FGA: variants seen among roughly 807,000 people sequenced by gnomAD.
FGA encodes fibrinogen alpha chain.
Under a neutral mutation model 20.3 loss-of-function variants are expected in FGA, and 20 were observed. The ratio of observed to expected loss-of-function variants is 0.99; its 90% CI spans 0.69 to 1.43. FGA has a LOEUF of 1.43. Among genes scored for constraint, FGA ranks in the 40% most tolerant of loss-of-function variants. The pLI is 0.00. For missense variants in FGA, 777 were observed against 784.7 expected (o/e 0.99, Z 0.12); for synonymous variants, 306 against 281.6 (o/e 1.09, Z -0.87).
downstream of FGA, chr4:154,583,627 T>C (rs1166846334): frequency 6.4e-6 from 1 of 155,400 alleles, no homozygotes; most frequent in Non-Finnish European, 1.4e-5. Context: ...TAAATACATA[T>C]TGTAATTATA....
rs746736351 is a variant in FGA at position 154,586,326 on chromosome 4, C to T, written c.1103G>A (p.Gly368Glu). 9.3e-6 allele frequency: 15 copies of T among 1,614,112 alleles called. No individual in the cohort carries two copies. Among genetic ancestry groups the T allele is most frequent in the East Asian group, 6.7e-5 (3 of 44,900 alleles). The change falls in exon 5 of 5, where the codon GGA becomes GAA. Residue 368 changes from glycine to glutamate, a missense_variant. Physicochemically the swap from Gly to Glu is moderately conservative, Grantham distance 98 (BLOSUM62 -2). Coordinates refer to ENST00000403106, the MANE Select transcript of FGA (RefSeq NM_021871.4). Reference sequence around the variant, plus strand: ...CTCAGAGGTCCAGTGCCCAGCACTTCCGCGTTCAGAGCTGCCAGGATTCCA... The same window carrying T: ...CTCAGAGGTCCAGTGCCCAGCACTTTCGCGTTCAGAGCTGCCAGGATTCCA... ...GTWNPGSSER[G>E]SAGHWTSESS...
chr4:154,589,515 C>T lies in FGA; in HGVS notation c.102G>A (p.Val34=). ...EGDFLAEGGG[V]RGPRVVERHQ... The stretch of plus-strand genomic sequence containing the variant: ...GTCTTTCCACAACCCTTGGGCCACG[C>T]ACGCCTCCTCCTTCAGCTAGAAAGT... The change falls in exon 2 of 5, where the codon GTG becomes GTA. Residue 34 remains valine (V), a synonymous_variant. Coordinates refer to ENST00000403106, the MANE Select transcript of FGA (RefSeq NM_021871.4). 1.2e-6 allele frequency: 2 copies of T among 1,613,992 alleles called. No homozygotes were observed. The highest frequency in any genetic ancestry group is 1.7e-6 in the Non-Finnish European group (2 of 1,179,982).
chr4:154,588,310 CT>C (rs1336589368), intron 3 of FGA, among the ~76,000 whole-genome samples: 1 of 152,168 alleles, frequency 6.6e-6, no homozygotes, highest in Non-Finnish European at 1.5e-5. Context: ...GCAATGTTTC[CT>C]AACCCTAATG....
Position 154,585,396 on chromosome 4 carries a change from A to G in FGA, c.*98T>C. ...AAGGAACTTACAGTCTAGCACAAAA[A>G]CAGACCAAAAAAGTGTAGTTTCAAT... On this transcript the variant is annotated 3_prime_UTR_variant, in exon 5 of 5. Coordinates refer to ENST00000403106, the MANE Select transcript of FGA (RefSeq NM_021871.4). The G allele has an allele frequency of 2.7e-6, 3 of 1,120,380 alleles. No homozygotes were observed. Among genetic ancestry groups the G allele is most frequent in the Non-Finnish European group, 3.9e-6 (3 of 775,560 alleles). 69.4% of individuals were successfully genotyped at this position (1,120,380 alleles called of 1,614,324 possible). A position where few individuals can be genotyped will look rare whatever the true frequency, so the allele number is the denominator to read the frequency against.
At chr4:154,587,801 A>G (rs1327253577) in intron 3 of FGA, 144 bp from the exon 4 acceptor site, 16 of 693,270 alleles carry the variant, frequency 2.3e-5, no homozygotes, top group South Asian at 1.7e-4. Flanking sequence ...GAAAGAAAGA[A>G]AGAGAAAAAA....
At chr4:154,584,531 C>T (rs772041960), downstream of FGA, 3 of 1,614,150 alleles carry the variant, frequency 1.9e-6, no homozygotes, top group Non-Finnish European at 2.5e-6. Context: ...TCATTCCCAG[C>T]CCAGTCCTCT....
chr4:154,585,156 A>G, downstream of FGA: 1 of 1,007,606 alleles, frequency 9.9e-7, no homozygotes, highest in Non-Finnish European at 1.3e-6. Context: ...CCTGACCTAA[A>G]TGTCAACTGA....
At chr4:154,589,007 GATCT>G in intron 2 of FGA, 31 bp from the exon 3 acceptor site, 1 of 1,551,192 alleles carries the variant, frequency 6.4e-7, no homozygotes, top group Non-Finnish European at 8.9e-7. Context: ...TTACAGTAAG[GATCT>G]ATCTCTCAGA....
In FGA at chr4:154,586,876, T is replaced by C. The variant is rs372283429; in HGVS notation, c.553A>G (p.Ser185Gly). ...TCTACTTCACGAGCTAAAGCCCTAC[T>C]GCATGACCCTCGACAAGATCGGATC... ...IKIRSCRGSC[S>G]RALAREVDLK... Residue 185 changes from serine (S) to glycine (G), a missense_variant, in exon 5 of 5, where the codon AGT becomes GGT. Ser to Gly is a moderately conservative substitution (Grantham distance 56). Coordinates refer to ENST00000403106, the MANE Select transcript of FGA (RefSeq NM_021871.4). The C allele has an allele frequency of 4.0e-5, 64 of 1,613,974 alleles. No individual in the cohort carries two copies. Among genetic ancestry groups the C allele is most frequent in the Non-Finnish European group, 4.9e-5 (58 of 1,179,982 alleles).
At chr4:154,587,804 A>AAAGAAAGAAAGG (rs1553964330) in intron 3 of FGA, 147 bp from the exon 4 acceptor site, 7 of 676,100 alleles carry the variant, frequency 1.0e-5, no homozygotes, top group African/African-American at 2.2e-5. Flanking sequence ...AGAAAGAAAG[A>AAAGAAAGAAAGG]GAAAAAAGAA....
In FGA at chr4:154,586,882, AC is replaced by A. The variant is rs1730741166; in HGVS notation, c.546del (p.Ser183HisfsTer6). On this transcript the variant is annotated frameshift_variant, in exon 5 of 5. Coordinates refer to ENST00000403106, the MANE Select transcript of FGA (RefSeq NM_021871.4). LOFTEE classifies it low-confidence loss of function (END_TRUNC). Reference protein sequence around the residue: ...DIDIKIRSCRGSCSRALAREV... With the variant: ...DIDIKIRSCRXSCSRALAREV... ...TCACGAGCTAAAGCCCTACTGCATGACCCTCGACAAGATCGGATCTTAATAT... is the reference window on the plus strand; with the variant it reads ...TCACGAGCTAAAGCCCTACTGCATGACCTCGACAAGATCGGATCTTAATAT... The A allele has an allele frequency of 6.2e-7, 1 of 1,613,848 alleles. No individual in the cohort carries two copies. Among genetic ancestry groups the A allele is most frequent in the African/African-American group, 1.3e-5 (1 of 74,860 alleles).
chr4:154,584,112 C>CACTTCGAAGACAGAGTGCTCCCATTCCT (rs1730648355), downstream of FGA: 1 of 1,599,894 alleles, frequency 6.3e-7, no homozygotes, highest in Non-Finnish European at 8.6e-7. Flanking sequence ...CTCCCATTCC[C>CACTTCGAAGACAGAGTGCTCCCATTCCT]ACTTCTTCAG....
In FGA at chr4:154,585,573, G is replaced by A. The variant is rs1467395228; in HGVS notation, c.1856C>T (p.Thr619Ile). Residue 619 changes from threonine to isoleucine, a missense_variant, in exon 5 of 5, where the codon ACC becomes ATC. Physicochemically the swap from Thr to Ile is moderately conservative, Grantham distance 89. Transcript: ENST00000403106. ...GCGAGATTTAGCATGGCCTCTCTTG[G>A]TGCTATGTGTTCCTTCATGATCGGC... ...SEADHEGTHS[T>I]KRGHAKSRPV... is the part of the protein sequence containing the mutation. 6.2e-7 allele frequency: 1 copy of A among 1,614,162 alleles called. No individual in the cohort carries two copies.
At chr4:154,587,132 A>T (rs567496155) in intron 4 of FGA, among the ~76,000 whole-genome samples, 1 of 152,168 alleles carries the variant, frequency 6.6e-6, no homozygotes, top group Non-Finnish European at 1.5e-5. Context: ...TAAGCAATGG[A>T]TGCTGTTTAA....
Position 154,585,977 on chromosome 4 carries a change from G to A in FGA, c.1452C>T (p.Thr484=), listed in dbSNP as rs759167706. The change falls in exon 5 of 5, where the codon ACC becomes ACT. Residue 484 remains threonine (T), a synonymous_variant. Coordinates refer to ENST00000403106, the MANE Select transcript of FGA (RefSeq NM_021871.4). ...CGGGACAGTCAGAACCATCTTCGGA[G>A]GTCACCACTTCTTTGGTAACTTCTT... ...GHKEVTKEVV[T]SEDGSDCPEA... is the part of the protein sequence containing the mutation. 2.8e-5 allele frequency: 45 copies of A among 1,613,990 alleles called. 1 individual carries two copies. In the South Asian group the frequency reaches 3.4e-4, roughly 12 times the overall value.
chr4:154,589,382 A>G, intron 2 of FGA, 55 bp downstream of exon 2: 1 of 1,601,618 alleles, frequency 6.2e-7, no homozygotes, highest in Non-Finnish European at 8.5e-7. Flanking sequence ...TCAGCCTGTG[A>G]GCCCCTCTAG....
intron 3 of FGA, 95 bp from the exon 4 acceptor site, chr4:154,587,752 A>AAAGG (rs1553964343): frequency 2.8e-6 from 1 of 358,974 alleles, no homozygotes; most frequent in Admixed American, 4.6e-5. Context: ...AAGGAGAAAG[A>AAAGG]AAGAAAGAAA....
At chr4:154,587,757 A>C (rs1425593346) in intron 3 of FGA, 100 bp from the exon 4 acceptor site, 1 of 502,954 alleles carries the variant, frequency 2.0e-6, no homozygotes, top group Non-Finnish European at 3.5e-6. Flanking sequence ...GAAAGAAAGA[A>C]AGAAAGAAAG....
chr4:154,587,795 G>C, intron 3 of FGA, 138 bp from the exon 4 acceptor site: 3 of 692,894 alleles, frequency 4.3e-6, no homozygotes, highest in Non-Finnish European at 7.2e-6. Context: ...AAGAAAGAAA[G>C]AAAGAAAGAG....
Sources: allele counts gnomAD v4.1 joint callset (sites outside exome capture counted in the v4.1 genomes callset), GRCh38; gene constraint gnomAD v4.1.1; transcripts MANE v1.5; gene names NCBI Gene and HGNC (gene_info 2026-07-23, HGNC 2026-07-21).